The following WNT16 variants were observed in gnomAD, a reference collection of about 807,000 sequenced individuals.
WNT16 encodes the protein protein Wnt-16.
In WNT16, 20 loss-of-function variants were observed where a neutral mutation model predicts 35.4. That is an observed-to-expected ratio of 0.56 (90% CI 0.40 to 0.82). The LOEUF is 0.82. Among genes scored for constraint, WNT16 ranks in the 40% least tolerant of loss-of-function variants. WNT16 has a pLI of 0.00. For synonymous variants in WNT16, 180 were observed against 179.2 expected (o/e 1.00, Z -0.03); for missense variants, 461 against 466.0 (o/e 0.99, Z 0.10).
At chr7:121,335,819 T>C (rs2707472) in intron 3 of WNT16, among the ~76,000 whole-genome samples, 38,081 of 152,036 alleles carry the variant, frequency 0.25, 6,022 homozygotes, top group African/African-American at 0.46. Flanking sequence ...TTATGTAAGA[T>C]AAACGTCTTA....
At chr7:121,331,625 A>G in intron 2 of WNT16, 53 bp from the exon 3 acceptor site, 1 of 1,551,766 alleles carries the variant, frequency 6.4e-7, no homozygotes, top group Non-Finnish European at 8.8e-7. Flanking sequence ...TTTCTTCTGA[A>G]CATAAACAGA....
At position 121,329,112 on chromosome 7, in the gene WNT16, C is replaced by T; in HGVS notation, c.-181C>T. On this transcript the variant is annotated 5_prime_UTR_variant, in exon 1 of 4. Transcript: ENST00000222462. ...GCTCTCTCCATCTCTCCTACAGCTCCCTGCAAACGAGGGGGAAGCTGCTGA... is the reference window on the plus strand; with the variant it reads ...GCTCTCTCCATCTCTCCTACAGCTCTCTGCAAACGAGGGGGAAGCTGCTGA... 3.6e-6 allele frequency: 5 copies of T among 1,374,690 alleles called. No individual in the cohort carries two copies. The East Asian group carries it at 1.0e-4, about 28-fold the overall frequency. The allele number at this position is 1,374,690 out of a possible 1,614,324, so 85.2% of individuals were successfully genotyped here. A position where few individuals can be genotyped will look rare whatever the true frequency, so the allele number is the denominator to read the frequency against.
chr7:121,331,702 A>C lies in WNT16; in HGVS notation c.371A>C (p.Tyr124Ser). 6.2e-7 allele frequency: 1 copy of C among 1,611,916 alleles called. No homozygotes were observed. Among genetic ancestry groups the C allele is most frequent in the Non-Finnish European group, 8.5e-7 (1 of 1,178,082 alleles). ...GGCACCAAAGAGACAGCATTTATTT[A>C]TGCTGTGATGGCTGCAGGCCTGGTG... Reference protein sequence around the residue: ...SSGTKETAFIYAVMAAGLVHS... With the variant: ...SSGTKETAFISAVMAAGLVHS... The change falls in exon 3 of 4, where the codon TAT becomes TCT. Residue 124 changes from tyrosine (Y) to serine (S), a missense_variant. Tyr to Ser is a moderately radical substitution (Grantham distance 144, BLOSUM62 -2). Coordinates refer to ENST00000222462, the MANE Select transcript of WNT16 (RefSeq NM_057168.2).
At chr7:121,335,448 C>T (rs1351753226) in intron 3 of WNT16, among the ~76,000 whole-genome samples, 1 of 152,014 alleles carries the variant, frequency 6.6e-6, no homozygotes, top group East Asian at 1.9e-4. Context: ...AAATATTCCA[C>T]CAAAATGTGC....
At chr7:121,333,223 C>T (rs533492917) in intron 3 of WNT16, among the ~76,000 whole-genome samples, 15 of 151,946 alleles carry the variant, frequency 9.9e-5, no homozygotes, top group African/African-American at 2.9e-4. Context: ...GTATATGTTG[C>T]GTTTGTTTTC....
At chr7:121,330,468 G>A (rs746867896) in intron 2 of WNT16, among the ~76,000 whole-genome samples, 41 of 152,334 alleles carry the variant, frequency 2.7e-4, no homozygotes, top group Non-Finnish European at 4.0e-4. Context: ...TTCCACGTGC[G>A]TAGTGACTTG....
In WNT16 at chr7:121,340,803, G is replaced by C. The variant is rs1793520049; in HGVS notation, c.*1458G>C. ...ATTCATCATATTTTACAAGGTTCCT[G>C]GTAAAAATTACAGGGCTCTATTTAA... On this transcript the variant is annotated 3_prime_UTR_variant, in exon 4 of 4. Transcript: ENST00000222462. 1 of 151,944 alleles carries C rather than the reference G, an allele frequency of 6.6e-6. No homozygotes were observed. The highest frequency in any genetic ancestry group is 2.4e-5 in the African/African-American group (1 of 41,370). The allele number at this position is 151,944 out of a possible 1,614,324, so 9.4% of individuals were successfully genotyped here.
chr7:121,328,226 A>G (rs1793274218), upstream of WNT16, among the ~76,000 whole-genome samples: 1 of 152,196 alleles, frequency 6.6e-6, no homozygotes, highest in South Asian at 2.1e-4. Context: ...CCCTCCCACC[A>G]TGAGAATCGT....
intron 2 of WNT16, among the ~76,000 whole-genome samples, chr7:121,330,714 GAA>G (rs11371537): frequency 1.4e-3 from 121 of 88,186 alleles, no homozygotes; most frequent in African/African-American, 4.0e-3. Context: ...CCCGTAGAGA[GAA>G]AAAAAAAAAA....
intron 1 of WNT16, 83 bp downstream of exon 1, chr7:121,329,470 G>A: frequency 6.3e-7 from 1 of 1,590,954 alleles, no homozygotes; most frequent in Non-Finnish European, 8.6e-7. Flanking sequence ...TGAGGCTGGG[G>A]GAGAAGGGCG....
In WNT16 at chr7:121,331,586, C is replaced by A. The variant is rs1055441191; in HGVS notation, c.347-92C>A. 6 of 1,204,176 alleles carry A rather than the reference C, an allele frequency of 5.0e-6. No homozygotes were observed. In the Admixed American group the frequency reaches 1.3e-4, roughly 25 times the overall value. 74.6% of individuals were successfully genotyped at this position (1,204,176 alleles called of 1,614,324 possible). A position where few individuals can be genotyped will look rare whatever the true frequency, so the allele number is the denominator to read the frequency against. ...TCCATTGTAAGCAACTGAAAAATTA[C>A]TTGTCCAGTAAGATCATGAGTAGGA... On this transcript the variant is annotated intron_variant, in intron 2 of 3. Coordinates refer to ENST00000222462, the MANE Select transcript of WNT16 (RefSeq NM_057168.2).
Position 121,329,689 on chromosome 7 carries a change from G to A in WNT16, c.218G>A (p.Gly73Asp), listed in dbSNP as rs768748718. The A allele has an allele frequency of 9.3e-6, 15 of 1,613,812 alleles. No homozygotes were observed. The highest frequency in any genetic ancestry group is 8.5e-7 in the Non-Finnish European group (1 of 1,179,880). The change falls in exon 2 of 4, where the codon GGC (glycine) becomes GAC (aspartate). Residue 73 changes from glycine to aspartate, a missense_variant. Transcript: ENST00000222462. The stretch of plus-strand genomic sequence containing the variant: ...TACCTGCTGCCGAGCATCCGAGAGG[G>A]CGCCCGGCTGGGCATTCAGGAGTGC... Reference protein sequence around the residue: ...KPYLLPSIREGARLGIQECGS... With the variant: ...KPYLLPSIREDARLGIQECGS...
At chr7:121,325,508 A>G (rs4727920), upstream of WNT16, 27,517 of 1,605,016 alleles carry the variant, frequency 0.017, 274 homozygotes, top group Non-Finnish European at 0.02. Flanking sequence ...TTGGAGAACA[A>G]AACAACTTTT....
At chr7:121,327,935 G>C (rs190390588), upstream of WNT16, among the ~76,000 whole-genome samples, 1 of 152,200 alleles carries the variant, frequency 6.6e-6, no homozygotes, top group East Asian at 1.9e-4. Flanking sequence ...ACTATCTTCG[G>C]CTCCAGGGAG....
At chr7:121,330,280 C>A (rs1793319304) in intron 2 of WNT16, among the ~76,000 whole-genome samples, 1 of 152,166 alleles carries the variant, frequency 6.6e-6, no homozygotes, top group Non-Finnish European at 1.5e-5. Context: ...TTATTGGCTC[C>A]TAGGAGCACC....
chr7:121,338,067 C>T (rs560136489), intron 3 of WNT16, among the ~76,000 whole-genome samples: 1 of 152,334 alleles, frequency 6.6e-6, no homozygotes, highest in South Asian at 2.1e-4. Flanking sequence ...GTCATAGTTT[C>T]TCATGTGGCC....
chr7:121,337,195 A>G (rs565125739), intron 3 of WNT16, among the ~76,000 whole-genome samples: 52 of 152,322 alleles, frequency 3.4e-4, no homozygotes, highest in African/African-American at 1.2e-3. Flanking sequence ...AAATAGATAC[A>G]TCTATTAGTT....
At chr7:121,333,408 C>G (rs940884722) in intron 3 of WNT16, among the ~76,000 whole-genome samples, 3 of 151,776 alleles carry the variant, frequency 2.0e-5, no homozygotes, top group African/African-American at 7.3e-5. Context: ...TTCAAAATAG[C>G]AAAATAGAAA....
intron 2 of WNT16, among the ~76,000 whole-genome samples, chr7:121,330,580 G>A (rs1295336322): frequency 6.6e-6 from 1 of 152,050 alleles, no homozygotes; most frequent in Non-Finnish European, 1.5e-5. Flanking sequence ...CGTTTTTCAT[G>A]TTCATTTCCG....
Sources: allele counts gnomAD v4.1 joint callset (sites outside exome capture counted in the v4.1 genomes callset), GRCh38; gene constraint gnomAD v4.1.1; transcripts MANE v1.5; gene names NCBI Gene and HGNC (gene_info 2026-07-23, HGNC 2026-07-21).